Variants in WDR72 observed in about 807,000 individuals in gnomAD.
WDR72 encodes WD repeat domain 72.
A neutral mutation model predicts 124.2 loss-of-function variants in WDR72; 120 were observed. The ratio of observed to expected loss-of-function variants is 0.97; its 90% CI spans 0.83 to 1.12. WDR72 has a LOEUF of 1.12. Ranked by LOEUF, WDR72 falls within the 50% of genes most tolerant of loss-of-function variation. The pLI is 0.00. For missense variants in WDR72, 1,387 were observed against 1,278.8 expected (o/e 1.08, Z -1.29); for synonymous variants, 452 against 441.7 (o/e 1.02, Z -0.29).
At chr15:53,655,870 T>A (rs2015404540) in intron 14 of WDR72, among the ~76,000 whole-genome samples, 1 of 152,200 alleles carries the variant, frequency 6.6e-6, no homozygotes, top group African/African-American at 2.4e-5. Context: ...TTTTTGTATT[T>A]TTAGTAGAGA....
chr15:53,652,516 C>G (rs79427570), intron 14 of WDR72, among the ~76,000 whole-genome samples: 1,996 of 152,170 alleles, frequency 0.013, 33 homozygotes, highest in East Asian at 0.069. Context: ...CATAAATCAG[C>G]CCTCTTCATA....
intron 18 of WDR72, among the ~76,000 whole-genome samples, chr15:53,592,624 C>A (rs1318878454): frequency 6.6e-6 from 1 of 152,038 alleles, no homozygotes; most frequent in Admixed American, 6.6e-5. Flanking sequence ...ATATTTGATG[C>A]ATCGTTTTCA....
intron 13 of WDR72, among the ~76,000 whole-genome samples, chr15:53,669,023 GAAGGGAGGAA>G (rs2015895574): frequency 5.5e-5 from 7 of 126,474 alleles, no homozygotes; most frequent in Non-Finnish European, 8.6e-5. Context: ...GAGAAAAGAA[GAAGGGAGGAA>G]GGGAAAGAAG....
intron 14 of WDR72, among the ~76,000 whole-genome samples, chr15:53,663,175 T>C (rs1250453807): frequency 1.3e-5 from 2 of 151,890 alleles, no homozygotes; most frequent in East Asian, 1.9e-4. Context: ...AAGTGTATAA[T>C]AGACATTGAA....
intron 1 of WDR72, among the ~76,000 whole-genome samples, chr15:53,741,356 A>G (rs951169938): frequency 6.6e-6 from 1 of 152,240 alleles, no homozygotes; most frequent in African/African-American, 2.4e-5. Flanking sequence ...CAAAGCCACA[A>G]GAAATCAGAT....
Position 53,548,461 on chromosome 15 carries a change from A to G in WDR72, c.3149-25139T>C, listed in dbSNP as rs557466159. On this transcript the variant is annotated intron_variant, in intron 18 of 19. Transcript: ENST00000360509. ...ATGTACAGAATTTCGGCTGACTTCA[A>G]AGAGAGTGATTTTGAGAAGAGAGAG... Among the ~76,000 whole-genome samples, 16 of 152,290 alleles carry G rather than the reference A, an allele frequency of 1.1e-4. 1 individual carries two copies. The highest frequency in any genetic ancestry group is 3.9e-4 in the African/African-American group (16 of 41,554).
chr15:53,642,100 G>C (rs1013325200), intron 14 of WDR72, among the ~76,000 whole-genome samples: 1 of 151,786 alleles, frequency 6.6e-6, no homozygotes, highest in Non-Finnish European at 1.5e-5. Context: ...TAAGTTAAAT[G>C]GTTTTTCTAG....
At chr15:53,532,051 TAC>T (rs1244633342) in intron 18 of WDR72, among the ~76,000 whole-genome samples, 1 of 152,050 alleles carries the variant, frequency 6.6e-6, no homozygotes, top group Non-Finnish European at 1.5e-5. Context: ...GTATATGTAA[TAC>T]ACTAATCGTT....
chr15:53,644,403 AACTAT>A (rs2014967286), intron 14 of WDR72, among the ~76,000 whole-genome samples: 1 of 152,156 alleles, frequency 6.6e-6, no homozygotes, highest in African/African-American at 2.4e-5. Flanking sequence ...AGAAACCAGT[AACTAT>A]TTTTTAAAGG....
intron 11 of WDR72, among the ~76,000 whole-genome samples, chr15:53,703,058 T>G (rs1315515582): frequency 2.0e-5 from 3 of 151,824 alleles, no homozygotes; most frequent in Non-Finnish European, 4.4e-5. Context: ...GGTCCACAGG[T>G]GAGCGCCACC....
intron 11 of WDR72, among the ~76,000 whole-genome samples, 169 bp from the exon 12 acceptor site, chr15:53,702,523 C>G (rs1436857952): frequency 6.6e-6 from 1 of 152,138 alleles, no homozygotes; most frequent in East Asian, 1.9e-4. Flanking sequence ...AAACAAGTGC[C>G]TCACCAGAAG....
chr15:53,631,467 G>C (rs1185804110), intron 14 of WDR72, among the ~76,000 whole-genome samples: 1 of 152,186 alleles, frequency 6.6e-6, no homozygotes, highest in Non-Finnish European at 1.5e-5. Context: ...TCACTGAGGA[G>C]TGGAGCATTG....
intron 17 of WDR72, among the ~76,000 whole-genome samples, chr15:53,600,180 T>C (rs1008613266): frequency 6.6e-6 from 1 of 152,170 alleles, no homozygotes; most frequent in African/African-American, 2.4e-5. Flanking sequence ...TTCTGCAGAC[T>C]TTCAAAAATA....
intron 18 of WDR72, among the ~76,000 whole-genome samples, chr15:53,523,663 C>G (rs941028505): frequency 6.6e-6 from 1 of 151,990 alleles, no homozygotes; most frequent in East Asian, 1.9e-4. Context: ...CAATAGAACA[C>G]AGAGAGAAGA....
At chr15:53,570,216 G>A (rs564990075) in intron 18 of WDR72, among the ~76,000 whole-genome samples, 63 of 151,498 alleles carry the variant, frequency 4.2e-4, no homozygotes, top group Middle Eastern at 3.4e-3. Flanking sequence ...ATGCATTGTG[G>A]AATGGCTAGA....
chr15:53,702,151 A>G lies in WDR72; in HGVS notation c.1552T>C (p.Ser518Pro). ...CGTCTTACTTTAAACTTCTCTGGTG[A>G]CATCAAAAGACTTGTTACTGGACCA... The part of the protein sequence containing the change: ...EAGPVTSLLM[S>P]PEKFKLRGEQ... The change falls in exon 12 of 20, where the codon TCA becomes CCA. Residue 518 changes from serine to proline, a missense_variant. Ser to Pro is a moderately conservative substitution (Grantham distance 74). Coordinates refer to ENST00000360509, the MANE Select transcript of WDR72 (RefSeq NM_182758.4). 1 of 1,613,562 alleles carries G rather than the reference A, an allele frequency of 6.2e-7. No homozygotes were observed. Among genetic ancestry groups the G allele is most frequent in the South Asian group, 1.1e-5 (1 of 91,024 alleles).
At chr15:53,743,919 G>A (rs1191854806) in intron 1 of WDR72, among the ~76,000 whole-genome samples, 6 of 151,062 alleles carry the variant, frequency 4.0e-5, no homozygotes, top group African/African-American at 9.8e-5. Context: ...AGCTTGCAGT[G>A]AGCTGAGATC....
At chr15:53,521,629 T>C (rs931944650) in intron 19 of WDR72, among the ~76,000 whole-genome samples, 1 of 152,216 alleles carries the variant, frequency 6.6e-6, no homozygotes, top group East Asian at 1.9e-4. Context: ...GAGAATGTTA[T>C]ATTTGAATCT....
intron 18 of WDR72, among the ~76,000 whole-genome samples, chr15:53,551,515 A>G (rs1893727814): frequency 6.6e-6 from 1 of 152,166 alleles, no homozygotes. Flanking sequence ...GTAAAGGAAG[A>G]AAGTCATATC....
Sources: allele counts gnomAD v4.1 joint callset (sites outside exome capture counted in the v4.1 genomes callset), GRCh38; gene constraint gnomAD v4.1.1; transcripts MANE v1.5; gene names NCBI Gene and HGNC (gene_info 2026-07-23, HGNC 2026-07-21).